TRIP11: variants seen among roughly 807,000 people sequenced by gnomAD.
TRIP11 encodes thyroid receptor-interacting protein 11.
TRIP11 carries 148 observed loss-of-function variants against 223.1 expected under a neutral mutation model. The ratio of observed to expected loss-of-function variants is 0.66; its 90% CI spans 0.58 to 0.76. The LOEUF (loss-of-function observed/expected upper bound fraction) is 0.76. TRIP11 is among the 30% of genes least tolerant of loss of function. The pLI is 0.00. For synonymous variants in TRIP11, 762 were observed against 772.6 expected, an observed-to-expected ratio of 0.99 and a Z score of 0.23; for missense variants, 2,043 against 2,222.0, an observed-to-expected ratio of 0.92 and a Z score of 1.62.
At chr14:91,975,546 C>T (rs2056453435) in intron 17 of TRIP11, among the ~76,000 whole-genome samples, 1 of 152,064 alleles carries the variant, frequency 6.6e-6, no homozygotes, top group East Asian at 1.9e-4. Context: ...TTATTCAACC[C>T]AGTTACTGAC....
chr14:92,008,182 A>T (rs1428231578), intron 9 of TRIP11, among the ~76,000 whole-genome samples: 3 of 152,082 alleles, frequency 2.0e-5, no homozygotes, highest in Non-Finnish European at 4.4e-5. Flanking sequence ...GCTACCCTTT[A>T]TCCATCCCCT....
intron 11 of TRIP11, among the ~76,000 whole-genome samples, chr14:92,000,970 C>T (rs1375375632): frequency 6.6e-6 from 1 of 151,480 alleles, no homozygotes; most frequent in Non-Finnish European, 1.5e-5. Flanking sequence ...AAGCAGTTCT[C>T]GTGCCTCAGC....
chr14:91,980,981 A>G (rs1359405674), intron 16 of TRIP11, among the ~76,000 whole-genome samples: 1 of 135,312 alleles, frequency 7.4e-6, no homozygotes, highest in Non-Finnish European at 1.6e-5. Context: ...ATCAAATTTT[A>G]TATGTATATT....
At chr14:91,989,515 T>C (rs2056647020) in intron 15 of TRIP11, among the ~76,000 whole-genome samples, 1 of 150,454 alleles carries the variant, frequency 6.6e-6, no homozygotes, top group Non-Finnish European at 1.5e-5. Flanking sequence ...ATGGCTCTAT[T>C]ATGACATCTA....
At chr14:92,011,105 A>G (rs766066717) in intron 8 of TRIP11, 33 bp from the exon 9 acceptor site, 2 of 1,599,180 alleles carry the variant, frequency 1.3e-6, no homozygotes, top group Non-Finnish European at 1.7e-6. Context: ...TTTTCAGGTA[A>G]CAAGAAATTT....
chr14:91,996,696 CTA>C (rs1473708003), intron 13 of TRIP11, among the ~76,000 whole-genome samples: 1 of 152,218 alleles, frequency 6.6e-6, no homozygotes, highest in African/African-American at 2.4e-5. Context: ...AAAATGGATT[CTA>C]TGACACTCCC....
rs11406006 is a variant in TRIP11, at chr14:92,000,947, G to GC, written c.4558-840dup. The stretch of plus-strand genomic sequence containing the variant: ...GCGATCTCGGTTCACTGCAACCTCC[G>GC]CCTCCTGGGTTCAAGCAGTTCTCGT... On this transcript the variant is annotated intron_variant, in intron 11 of 20. Coordinates refer to ENST00000267622, the MANE Select transcript of TRIP11 (RefSeq NM_004239.4). Among the ~76,000 whole-genome samples, 1,487 of 149,704 alleles carry GC rather than the reference G, an allele frequency of 9.9e-3. 13 individuals are homozygous for GC. Among genetic ancestry groups the GC allele is most frequent in the Non-Finnish European group, 0.015 (1,011 of 67,732 alleles).
At chr14:92,030,712 A>C (rs1421548064) in intron 2 of TRIP11, 1 of 152,132 alleles carries the variant, frequency 6.6e-6, no homozygotes, top group African/African-American at 2.4e-5. Context: ...GTATATTTGT[A>C]CACCAACATT....
intron 16 of TRIP11, chr14:91,977,169 T>C: frequency 2.2e-6 from 1 of 448,226 alleles, no homozygotes; most frequent in East Asian, 7.0e-5. Flanking sequence ...AGTAGCTGGA[T>C]ACAAGTTCCG....
In TRIP11 at chr14:92,007,603, A is replaced by G. The variant is rs774606432; in HGVS notation, c.1527+37T>C. The G allele has an allele frequency of 2.5e-6, 4 of 1,598,100 alleles. No homozygotes were observed. The East Asian group carries it at 9.0e-5, about 36-fold the overall frequency. ...CATTTCTGTGTTTAGTTTACTTAGT[A>G]GAATGTGCTGCCTTACTGTATTTAA... On this transcript the variant is annotated intron_variant, in intron 10 of 20. Transcript: ENST00000267622.
Position 92,026,495 on chromosome 14 carries a change from T to C in TRIP11, c.202-1075A>G, listed in dbSNP as rs2057188860. On this transcript the variant is annotated intron_variant, in intron 2 of 20. Transcript: ENST00000267622. ...CTCCTTGCTCGCCGCAGCCGGCAGCTTTATCGCCAGAGTCCCTGAACTCTC... is the reference window on the plus strand; with the variant it reads ...CTCCTTGCTCGCCGCAGCCGGCAGCCTTATCGCCAGAGTCCCTGAACTCTC... The C allele has an allele frequency of 4.3e-6, 4 of 940,060 alleles. No homozygotes were observed. The Admixed American group carries it at 7.0e-5, about 16-fold the overall frequency. 58.2% of individuals were successfully genotyped at this position (940,060 alleles called of 1,614,324 possible).
rs748780312 is a variant in TRIP11, at chr14:91,999,344, G to A, written c.4788C>T (p.Thr1596=). ...TATCTTCTGCAGCCAAAGCTTCACG[G>A]GTATAAGAATCTTCTGATTCTAAAA... is the stretch of plus-strand genomic sequence containing the variant. ...NHLLESEDSY[T]REALAAEDRE... Residue 1596 remains threonine, a synonymous_variant, in exon 13 of 21, where the codon ACC becomes ACT. Coordinates refer to ENST00000267622, the MANE Select transcript of TRIP11 (RefSeq NM_004239.4). 6.2e-7 allele frequency: 1 copy of A among 1,613,804 alleles called. No homozygotes were observed. Among genetic ancestry groups the A allele is most frequent in the Non-Finnish European group, 8.5e-7 (1 of 1,179,898 alleles).
chr14:92,007,899 C>T (rs769157381), intron 9 of TRIP11, 47 bp from the exon 10 acceptor site: 7 of 1,469,158 alleles, frequency 4.8e-6, no homozygotes, highest in Non-Finnish European at 6.5e-6. Flanking sequence ...CAATTGGAGA[C>T]ACCAAAAGAT....
rs558795111 is a variant in TRIP11 at position 92,003,712 on chromosome 14, G to C, written c.4264C>G (p.Gln1422Glu). Residue 1422 changes from glutamine to glutamate, a missense_variant, in exon 11 of 21, where the codon CAA becomes GAA. Physicochemically the swap from Gln to Glu is conservative, Grantham distance 29. Coordinates refer to ENST00000267622, the MANE Select transcript of TRIP11 (RefSeq NM_004239.4). ...KDLLIKAKSD[Q>E]LLSSNENFTN... The stretch of plus-strand genomic sequence containing the variant: ...AAATTTTCATTGGAAGAAAGTAGTT[G>C]ATCACTTTTGGCTTTGATTAAGAGG... 4 of 1,614,120 alleles carry C rather than the reference G, an allele frequency of 2.5e-6. No individual in the cohort carries two copies. In the East Asian group the frequency reaches 8.9e-5, roughly 36 times the overall value.
intron 16 of TRIP11, among the ~76,000 whole-genome samples, chr14:91,985,558 A>G (rs1274312918): frequency 6.6e-6 from 1 of 152,232 alleles, no homozygotes; most frequent in Non-Finnish European, 1.5e-5. Flanking sequence ...TTGGAATAAA[A>G]TACTTTTAAA....
chr14:92,021,678 C>G lies in TRIP11; in HGVS notation c.466G>C (p.Ala156Pro), dbSNP rs1399999105. ...AAGTCCATGTCATCGTCATGGAAAG[C>G]TGAAGGATGATGACTAATCCCATAA... is the stretch of plus-strand genomic sequence containing the variant. ...FAYGISHHPS[A>P]FHDDDMDFGD... Residue 156 changes from alanine (A) to proline (P), a missense_variant, in exon 4 of 21, where the codon GCT becomes CCT. Ala to Pro is a conservative substitution (Grantham distance 27). Coordinates refer to ENST00000267622, the MANE Select transcript of TRIP11 (RefSeq NM_004239.4). 13 of 1,614,156 alleles carry G rather than the reference C, an allele frequency of 8.1e-6. No homozygotes were observed. Among genetic ancestry groups the G allele is most frequent in the Non-Finnish European group, 1.0e-5 (12 of 1,180,028 alleles).
Position 92,004,036 on chromosome 14 carries a change from G to A in TRIP11, c.3940C>T (p.Pro1314Ser), listed in dbSNP as rs2056863878. The change falls in exon 11 of 21, where the codon CCC becomes TCC. Residue 1314 changes from proline (P) to serine (S), a missense_variant. Coordinates refer to ENST00000267622, the MANE Select transcript of TRIP11 (RefSeq NM_004239.4). Reference protein sequence around the residue: ...LLLGKLDIISPQLSSASLLTP... With the variant: ...LLLGKLDIISSQLSSASLLTP... ...AGCAATGATGCAGAAGACAGCTGGG[G>A]TGAAATAATATCAAGTTTTCCTAAA... The A allele has an allele frequency of 2.5e-6, 4 of 1,614,016 alleles. No homozygotes were observed. Among genetic ancestry groups the A allele is most frequent in the Admixed American group, 1.7e-5 (1 of 59,996 alleles).
chr14:91,986,793 C>T (rs1211475181), intron 16 of TRIP11, among the ~76,000 whole-genome samples: 4 of 152,194 alleles, frequency 2.6e-5, no homozygotes, highest in African/African-American at 9.7e-5. Context: ...TGTAGTTGCA[C>T]TGGCCTTCGA....
At chr14:92,029,162 T>G (rs2057227690) in intron 2 of TRIP11, among the ~76,000 whole-genome samples, 1 of 151,732 alleles carries the variant, frequency 6.6e-6, no homozygotes, top group Non-Finnish European at 1.5e-5. Flanking sequence ...ATTTAAAAAA[T>G]TATTCCCAAC....
Sources: allele counts gnomAD v4.1 joint callset (sites outside exome capture counted in the v4.1 genomes callset), GRCh38; gene constraint gnomAD v4.1.1; transcripts MANE v1.5; gene names NCBI Gene and HGNC (gene_info 2026-07-23, HGNC 2026-07-21).